PRR5: variants seen among roughly 807,000 people sequenced by gnomAD.
The protein encoded by PRR5 is proline-rich protein 5.
A neutral mutation model predicts 30.6 loss-of-function variants in PRR5; 25 were observed. The observed-to-expected ratio is 0.82, with a 90% CI of 0.60 to 1.14. The LOEUF (loss-of-function observed/expected upper bound fraction) is 1.14, where lower values mean the gene tolerates loss of function less well. PRR5 is among the 50% of genes most tolerant of loss of function. The pLI, the probability that PRR5 is intolerant of heterozygous loss-of-function variation, is 0.00. For missense variants in PRR5, 600 were observed against 547.1 expected (o/e 1.10, Z -0.96); for synonymous variants, 286 against 247.1 (o/e 1.16, Z -1.48).
At chr22:44,713,233 G>A (rs940403408) in intron 1 of PRR5, among the ~76,000 whole-genome samples, 1 of 152,198 alleles carries the variant, frequency 6.6e-6, no homozygotes, top group Non-Finnish European at 1.5e-5. Flanking sequence ...GTGGTGGAGA[G>A]GTGGGAGGCC....
At chr22:44,676,436 G>A (rs2349641), upstream of PRR5, among the ~76,000 whole-genome samples, 7 of 143,680 alleles carry the variant, frequency 4.9e-5, no homozygotes, top group South Asian at 2.3e-4. Context: ...AAAGAGAAGA[G>A]AAGAAAAGAA....
At chr22:44,730,980 T>G (rs1161261822) in intron 4 of PRR5, 1 of 436,060 alleles carries the variant, frequency 2.3e-6, no homozygotes, top group Non-Finnish European at 4.7e-6. Context: ...GGGTCCCCAG[T>G]GCCCAGCATC....
At position 44,712,975 on chromosome 22, in the gene PRR5, A is replaced by G. The variant is rs1198640153; in HGVS notation, c.135-1616A>G. ...TGATGGCCTCTGAATCAAGATGAAT[A>G]GCTGCTTGCCTCATGGATAGGGATG... On this transcript the variant is annotated intron_variant, in intron 1 of 7. Transcript: ENST00000336985. 5.9e-5 allele frequency among the ~76,000 whole-genome samples: 9 copies of G among 152,296 alleles called. No homozygotes were observed. The East Asian group carries it at 1.7e-3, about 29-fold the overall frequency.
At chr22:44,725,619 C>T (rs1920930594) in intron 3 of PRR5, among the ~76,000 whole-genome samples, 1 of 152,110 alleles carries the variant, frequency 6.6e-6, no homozygotes, top group South Asian at 2.1e-4. Flanking sequence ...TACAGGTGCC[C>T]ACCATCACGC....
chr22:44,706,526 A>G (rs1209062272), intron 1 of PRR5, among the ~76,000 whole-genome samples: 2 of 151,898 alleles, frequency 1.3e-5, no homozygotes, highest in Non-Finnish European at 2.9e-5. Context: ...GGTGTGCAGG[A>G]AATGTTTGGT....
At chr22:44,697,596 G>A (rs570744020), upstream of PRR5, among the ~76,000 whole-genome samples, 155 of 152,208 alleles carry the variant, frequency 1.0e-3, no homozygotes, top group Non-Finnish European at 1.8e-3. Flanking sequence ...ACCAGGGGGC[G>A]GACGTGCCCC....
chr22:44,730,051 G>T (rs755134439), intron 4 of PRR5: 1 of 985,320 alleles, frequency 1.0e-6, no homozygotes, highest in Non-Finnish European at 1.2e-6. Flanking sequence ...TGGCCACTGG[G>T]CTGGGAGCCA....
intron 1 of PRR5, among the ~76,000 whole-genome samples, chr22:44,706,635 C>A (rs113717832): frequency 3.5e-3 from 534 of 152,232 alleles, no homozygotes; most frequent in Non-Finnish European, 4.3e-3. Context: ...CTCCAGCGAT[C>A]CTCCCACCTC....
chr22:44,702,562 CG>C lies in PRR5; in HGVS notation c.92del (p.Gly31AlafsTer20). On this transcript the variant is annotated frameshift_variant, in exon 1 of 8. Transcript: ENST00000336985. LOFTEE classifies it high-confidence loss of function. Reference protein sequence around the residue: ...KREPAAAADERGTQQRRACAN... With the variant: ...KREPAAAADEXGTQQRRACAN... ...AGAGCCGGCCGCCGCCGCGGACGAG[CG>C]GGGCACGCAGCAGCGCCGGGCCTGC... The C allele has an allele frequency of 1.4e-6, 2 of 1,436,652 alleles. No individual in the cohort carries two copies. Among genetic ancestry groups the C allele is most frequent in the South Asian group, 1.4e-5 (1 of 70,866 alleles). 89.0% of individuals were successfully genotyped at this position (1,436,652 alleles called of 1,614,324 possible).
chr22:44,695,356 T>A (rs1256470210), intron 1 of PRR5, among the ~76,000 whole-genome samples: 1 of 152,126 alleles, frequency 6.6e-6, no homozygotes, highest in Non-Finnish European at 1.5e-5. Flanking sequence ...TTTGAGATAA[T>A]TGTCCCTGGC....
intron 1 of PRR5, among the ~76,000 whole-genome samples, chr22:44,704,479 C>T (rs1169987231): frequency 6.6e-6 from 1 of 152,082 alleles, no homozygotes; most frequent in African/African-American, 2.4e-5. Flanking sequence ...GCAACCCCCG[C>T]CCCACCAGAT....
At chr22:44,692,317 TCCCGGGGC>T in intron 1 of PRR5, among the ~76,000 whole-genome samples, 1 of 89,216 alleles carries the variant, frequency 1.1e-5, no homozygotes, top group African/African-American at 4.4e-5. Context: ...GTGCTCCTCC[TCCCGGGGC>T]TCCTCCTCCC....
intron 2 of PRR5, 114 bp downstream of exon 2, chr22:44,714,785 C>A: frequency 7.4e-7 from 1 of 1,357,670 alleles, no homozygotes; most frequent in Non-Finnish European, 1.0e-6. Flanking sequence ...TGCTTCCTCC[C>A]CTAGAGGCCA....
intron 4 of PRR5, chr22:44,731,041 T>G (rs999523577): frequency 1.7e-5 from 5 of 302,748 alleles, no homozygotes; most frequent in Non-Finnish European, 3.5e-5. Flanking sequence ...GCAGATAGTG[T>G]GGGGGAAGGA....
chr22:44,677,591 T>C (rs562821047), intron 1 of PRR5, among the ~76,000 whole-genome samples: 1 of 152,296 alleles, frequency 6.6e-6, no homozygotes, highest in South Asian at 2.1e-4. Context: ...GTTCACTCAT[T>C]CATAAAAAAC....
Position 44,702,447 on chromosome 22 carries a change from G to A in PRR5, c.-28G>A. 1 of 1,309,052 alleles carries A rather than the reference G, an allele frequency of 7.6e-7. No individual in the cohort carries two copies. Among genetic ancestry groups the A allele is most frequent in the Non-Finnish European group, 9.8e-7 (1 of 1,025,450 alleles). 81.1% of individuals were successfully genotyped at this position (1,309,052 alleles called of 1,614,324 possible). A position where few individuals can be genotyped will look rare whatever the true frequency, so the allele number is the denominator to read the frequency against. ...GCAGGGCGCGGCGTGGGGCGCGCGTGGGCGCGGCGCAGGCGGCCCGGGTCA... is the reference window on the plus strand; with the variant it reads ...GCAGGGCGCGGCGTGGGGCGCGCGTAGGCGCGGCGCAGGCGGCCCGGGTCA... On this transcript the variant is annotated 5_prime_UTR_variant, in exon 1 of 8. Transcript: ENST00000336985.
At chr22:44,696,584 CA>C (rs772013901) in intron 1 of PRR5, among the ~76,000 whole-genome samples, 13 of 152,134 alleles carry the variant, frequency 8.5e-5, no homozygotes, top group Non-Finnish European at 1.3e-4. Context: ...GTCTTGGGTG[CA>C]CAGAACCAGA....
Position 44,736,828 on chromosome 22 carries a change from G to C in PRR5, c.748G>C (p.Val250Leu). Residue 250 changes from valine (V) to leucine (L), a missense_variant, in exon 8 of 8, where the codon GTG becomes CTG. Physicochemically the swap from Val to Leu is conservative, Grantham distance 32. Coordinates refer to ENST00000336985, the MANE Select transcript of PRR5 (RefSeq NM_181333.4). ...GGACGTGCTGGCCAAGAACCCTGTG[G>C]TGCGCTCCAAGAGCTACAACACGCC... ...SGDVLAKNPV[V>L]RSKSYNTPLL... The C allele has an allele frequency of 1.3e-6, 2 of 1,592,942 alleles. No individual in the cohort carries two copies. The highest frequency in any genetic ancestry group is 1.7e-6 in the Non-Finnish European group (2 of 1,164,944).
At chr22:44,724,585 G>T (rs1464043371) in intron 2 of PRR5, among the ~76,000 whole-genome samples, 2 of 152,218 alleles carry the variant, frequency 1.3e-5, no homozygotes, top group African/African-American at 4.8e-5. Context: ...GGTGTGGAAT[G>T]TGGTGCTCCC....
Sources: allele counts gnomAD v4.1 joint callset (sites outside exome capture counted in the v4.1 genomes callset), GRCh38; gene constraint gnomAD v4.1.1; transcripts MANE v1.5; gene names NCBI Gene and HGNC (gene_info 2026-07-23, HGNC 2026-07-21).